The following CASR variants were observed in gnomAD, a reference collection of about 807,000 sequenced individuals.
CASR encodes the protein calcium sensing receptor.
A neutral mutation model predicts 69.1 loss-of-function variants in CASR; 23 were observed. The observed-to-expected ratio is 0.33, with a 90% CI of 0.24 to 0.47. The LOEUF (loss-of-function observed/expected upper bound fraction) is 0.47. Ranked by LOEUF, CASR falls within the 20% of genes least tolerant of loss-of-function variation. CASR has a pLI of 1.00. For synonymous variants in CASR, 541 were observed against 544.7 expected, an observed-to-expected ratio of 0.99 and a Z score of 0.10; for missense variants, 924 against 1,356.1, an observed-to-expected ratio of 0.68 and a Z score of 5.00.
intron 2 of CASR, among the ~76,000 whole-genome samples, chr3:122,256,878 C>T (rs555826502): frequency 3.9e-5 from 6 of 152,342 alleles, no homozygotes; most frequent in African/African-American, 1.4e-4. Flanking sequence ...GCCTCGGCCT[C>T]CCGAAGTGCT....
intron 5 of CASR, among the ~76,000 whole-genome samples, chr3:122,279,243 C>A (rs2074858674): frequency 1.3e-5 from 2 of 152,116 alleles, no homozygotes; most frequent in African/African-American, 4.8e-5. Context: ...TAGACCACAT[C>A]CCTAGACATT....
At chr3:122,217,803 T>C (rs1473245412) in intron 1 of CASR, among the ~76,000 whole-genome samples, 1 of 152,102 alleles carries the variant, frequency 6.6e-6, no homozygotes, top group Non-Finnish European at 1.5e-5. Flanking sequence ...TAGCATAGCC[T>C]GCCACAGAAA....
chr3:122,273,717 A>G (rs1248635825), intron 4 of CASR, among the ~76,000 whole-genome samples: 1 of 152,210 alleles, frequency 6.6e-6, no homozygotes, highest in African/African-American at 2.4e-5. Flanking sequence ...AGCATGGAGA[A>G]GGATGATGGC....
At chr3:122,212,501 G>A (rs111866966) in intron 1 of CASR, among the ~76,000 whole-genome samples, 23,790 of 151,936 alleles carry the variant, frequency 0.16, 1,891 homozygotes, top group Non-Finnish European at 0.17. Flanking sequence ...AAACCACCAC[G>A]GCACATGTTT....
intron 5 of CASR, among the ~76,000 whole-genome samples, chr3:122,278,733 C>T (rs189618871): frequency 1.3e-5 from 2 of 152,220 alleles, no homozygotes; most frequent in Admixed American, 6.5e-5. Flanking sequence ...TGGTATAAAG[C>T]AGAGTTTGGT....
intron 1 of CASR, among the ~76,000 whole-genome samples, chr3:122,207,736 G>T (rs566136967): frequency 6.6e-6 from 1 of 152,186 alleles, no homozygotes; most frequent in Admixed American, 6.5e-5. Context: ...AGACTTCAAT[G>T]GTTCATTTTA....
intron 1 of CASR, among the ~76,000 whole-genome samples, chr3:122,215,453 T>G (rs944055499): frequency 6.6e-6 from 1 of 152,244 alleles, no homozygotes; most frequent in Admixed American, 6.5e-5. Flanking sequence ...TCCAACGTTT[T>G]TCTTTATTTA....
chr3:122,284,655 A>G lies in CASR; in HGVS notation c.2701A>G (p.Ser901Gly). 6.2e-7 allele frequency: 1 copy of G among 1,613,708 alleles called. No homozygotes were observed. Among genetic ancestry groups the G allele is most frequent in the Non-Finnish European group, 8.5e-7 (1 of 1,179,694 alleles). ...RSNVSRKRSS[S>G]LGGSTGSTPS... is the part of the protein sequence containing the mutation. ...CAACGTCTCCCGCAAGCGGTCCAGCAGCCTTGGAGGCTCCACGGGATCCAC... is the reference window on the plus strand; with the variant it reads ...CAACGTCTCCCGCAAGCGGTCCAGCGGCCTTGGAGGCTCCACGGGATCCAC... Residue 901 changes from serine to glycine, a missense_variant, in exon 7 of 7, where the codon AGC becomes GGC. Transcript: ENST00000639785.
At chr3:122,253,763 T>C (rs910577429) in intron 1 of CASR, among the ~76,000 whole-genome samples, 185 bp from the exon 2 acceptor site, 4 of 152,198 alleles carry the variant, frequency 2.6e-5, no homozygotes, top group African/African-American at 7.2e-5. Context: ...TTCCCCAATA[T>C]GGGCAATTGA....
chr3:122,232,260 C>A (rs1441359557), intron 1 of CASR, among the ~76,000 whole-genome samples: 1 of 152,086 alleles, frequency 6.6e-6, no homozygotes, highest in Non-Finnish European at 1.5e-5. Flanking sequence ...CAGCAATGAA[C>A]AAGACAGACC....
At chr3:122,202,480 GGGGAGA>G (rs144481840) in intron 1 of CASR, among the ~76,000 whole-genome samples, 13 of 150,122 alleles carry the variant, frequency 8.7e-5, no homozygotes, top group Admixed American at 2.6e-4. Flanking sequence ...GGGAGACCGT[GGGGAGA>G]GGGAGAGGGA....
chr3:122,217,213 T>C (rs1309136956), intron 1 of CASR, among the ~76,000 whole-genome samples: 2 of 152,054 alleles, frequency 1.3e-5, no homozygotes, highest in Non-Finnish European at 2.9e-5. Flanking sequence ...TCAAGCCATC[T>C]TCCCACTCCT....
chr3:122,227,891 A>T (rs55708281), intron 1 of CASR, among the ~76,000 whole-genome samples: 109,124 of 152,144 alleles, frequency 0.72, 39,429 homozygotes, highest in Admixed American at 0.82. Flanking sequence ...GAAAGCCAAG[A>T]TAAAAACTAG....
At chr3:122,231,062 C>T (rs965498601) in intron 1 of CASR, among the ~76,000 whole-genome samples, 1 of 152,174 alleles carries the variant, frequency 6.6e-6, no homozygotes, top group Non-Finnish European at 1.5e-5. Flanking sequence ...TGAGGGTCAT[C>T]ATCCACCTGC....
chr3:122,283,871 C>G lies in CASR; in HGVS notation c.1917C>G (p.Asn639Lys). 1 of 1,614,024 alleles carries G rather than the reference C, an allele frequency of 6.2e-7. No individual in the cohort carries two copies. ...TGGGTGTGTTTATCAAGTTCCGCAA[C>G]ACACCCATTGTCAAGGCCACCAACC... ...FVLGVFIKFR[N>K]TPIVKATNRE... Residue 639 changes from asparagine to lysine, a missense_variant, in exon 7 of 7, where the codon AAC becomes AAG. Transcript: ENST00000639785.
intron 5 of CASR, among the ~76,000 whole-genome samples, chr3:122,276,550 C>T (rs1011891854): frequency 9.2e-5 from 14 of 152,140 alleles, no homozygotes; most frequent in East Asian, 1.9e-4. Context: ...GAATTGATCC[C>T]GCCTCAATGG....
intron 4 of CASR, among the ~76,000 whole-genome samples, chr3:122,266,160 G>C (rs16832877): frequency 1.3e-5 from 2 of 151,946 alleles, no homozygotes; most frequent in Non-Finnish European, 2.9e-5. Context: ...TTCAATTGAC[G>C]CTACTAAGAA....
intron 1 of CASR, among the ~76,000 whole-genome samples, chr3:122,200,459 G>A (rs983985465): frequency 1.3e-5 from 2 of 152,148 alleles, no homozygotes; most frequent in Admixed American, 6.5e-5. Flanking sequence ...GTTTAATGTT[G>A]CATTGTTTTG....
intron 1 of CASR, among the ~76,000 whole-genome samples, chr3:122,207,968 G>A (rs2074024681): frequency 6.6e-6 from 1 of 151,986 alleles, no homozygotes; most frequent in African/African-American, 2.4e-5. Flanking sequence ...TTACTGTATT[G>A]CAGTCTATCT....
Sources: allele counts gnomAD v4.1 joint callset (sites outside exome capture counted in the v4.1 genomes callset), GRCh38; gene constraint gnomAD v4.1.1; transcripts MANE v1.5; gene names NCBI Gene and HGNC (gene_info 2026-07-23, HGNC 2026-07-21).